The following CYRIB variants were observed in gnomAD, a reference collection of about 807,000 sequenced individuals.
CYRIB encodes the protein CYFIP-related Rac1 interactor B.
Under a neutral mutation model 44.2 loss-of-function variants are expected in CYRIB, and 8 were observed. The ratio of observed to expected loss-of-function variants is 0.18; its 90% CI spans 0.11 to 0.33. CYRIB has a LOEUF of 0.33. CYRIB is among the 10% of genes least tolerant of loss of function. The probability of loss-of-function intolerance (pLI) is 1.00; values close to 1 mark genes in which losing one functional copy is unlikely to be tolerated. For synonymous variants in CYRIB, 131 were observed against 127.2 expected (o/e 1.03, Z -0.20); for missense variants, 185 against 382.8 (o/e 0.48, Z 4.31).
intron 1 of CYRIB, among the ~76,000 whole-genome samples, chr8:129,997,466 T>C (rs1324274116): frequency 6.6e-6 from 1 of 152,214 alleles, no homozygotes; most frequent in Non-Finnish European, 1.5e-5. Context: ...AAGGACTAGC[T>C]AATAAAATCA....
At chr8:129,866,622 A>T (rs2053775170) in intron 4 of CYRIB, among the ~76,000 whole-genome samples, 1 of 152,254 alleles carries the variant, frequency 6.6e-6, no homozygotes, top group South Asian at 2.1e-4. Flanking sequence ...GACAAAAGTT[A>T]AAATTTTATT....
intron 2 of CYRIB, among the ~76,000 whole-genome samples, chr8:129,881,889 G>A (rs2060930811): frequency 1.3e-5 from 2 of 152,108 alleles, no homozygotes; most frequent in South Asian, 2.1e-4. Context: ...TATATTAAAG[G>A]AAAAGATAAA....
chr8:130,013,057 T>A (rs1448018639), intron 1 of CYRIB, among the ~76,000 whole-genome samples: 3 of 152,210 alleles, frequency 2.0e-5, no homozygotes, highest in African/African-American at 7.2e-5. Flanking sequence ...GAAGCTCCAA[T>A]TCAAGCTAAA....
At chr8:129,869,232 A>T (rs960617912) in intron 4 of CYRIB, among the ~76,000 whole-genome samples, 6 of 151,602 alleles carry the variant, frequency 4.0e-5, no homozygotes, top group Non-Finnish European at 8.8e-5. Flanking sequence ...CTAAAAATAC[A>T]AAAATTAGCT....
chr8:129,957,150 C>T (rs2094898205), intron 2 of CYRIB, among the ~76,000 whole-genome samples: 1 of 152,216 alleles, frequency 6.6e-6, no homozygotes, highest in Non-Finnish European at 1.5e-5. Context: ...GCATGAGCCA[C>T]TGTGCATGGC....
intron 10 of CYRIB, among the ~76,000 whole-genome samples, chr8:129,848,998 G>A (rs530655686): frequency 7.2e-5 from 11 of 152,182 alleles, no homozygotes; most frequent in African/African-American, 1.2e-4. Flanking sequence ...TGCCAAATAC[G>A]TAGTAGAAGC....
In CYRIB at chr8:129,985,771, T is replaced by C. The variant is rs575222934; in HGVS notation, c.-295-14776A>G. Among the ~76,000 whole-genome samples, 3 of 152,242 alleles carry C rather than the reference T, an allele frequency of 2.0e-5. No individual in the cohort carries two copies. In the South Asian group the frequency reaches 6.2e-4, roughly 32 times the overall value. On this transcript the variant is annotated intron_variant, in intron 1 of 14. Transcript: ENST00000401979. ...CCAGAGCAGTCGCCCTCCACTTTTC[T>C]CAGTCCACCTCCACAACAAATCAAT...
At chr8:129,869,974 G>A (rs1221627810) in intron 4 of CYRIB, among the ~76,000 whole-genome samples, 1 of 151,932 alleles carries the variant, frequency 6.6e-6, no homozygotes, top group East Asian at 1.9e-4. Context: ...AGATTATGGG[G>A]GGGTGGGGGG....
chr8:129,952,714 A>C (rs922346425), intron 2 of CYRIB, among the ~76,000 whole-genome samples: 11 of 152,192 alleles, frequency 7.2e-5, no homozygotes, highest in Admixed American at 4.6e-4. Context: ...GAAAGATAGG[A>C]GGGGCCAAAG....
At chr8:129,892,476 ATT>A (rs879669611) in intron 2 of CYRIB, among the ~76,000 whole-genome samples, 1 of 147,872 alleles carries the variant, frequency 6.8e-6, no homozygotes. Flanking sequence ...AATTGTCAGA[ATT>A]TTTTTTTTTT....
At chr8:129,875,353 A>C (rs1209359207) in intron 3 of CYRIB, among the ~76,000 whole-genome samples, 1 of 151,960 alleles carries the variant, frequency 6.6e-6, no homozygotes, top group Non-Finnish European at 1.5e-5. Flanking sequence ...GCAAGGGCAC[A>C]CATCACTATT....
At chr8:129,958,455 T>G (rs747702867) in intron 2 of CYRIB, among the ~76,000 whole-genome samples, 15 of 152,156 alleles carry the variant, frequency 9.9e-5, no homozygotes, top group Non-Finnish European at 1.8e-4. Context: ...TCACACTGGC[T>G]TTACATAAAC....
intron 1 of CYRIB, among the ~76,000 whole-genome samples, chr8:129,999,604 A>G (rs1020167171): frequency 6.6e-6 from 1 of 152,202 alleles, no homozygotes; most frequent in Non-Finnish European, 1.5e-5. Context: ...GTTGGATGGA[A>G]TCTCCCACAA....
intron 2 of CYRIB, among the ~76,000 whole-genome samples, chr8:129,891,659 A>G (rs145381561): frequency 1.1e-3 from 173 of 152,368 alleles, no homozygotes; most frequent in African/African-American, 3.3e-3. Context: ...GAAATGTGAT[A>G]TAACAATGGA....
At chr8:129,920,212 G>A (rs144163684) in intron 1 of CYRIB, among the ~76,000 whole-genome samples, 4 of 151,946 alleles carry the variant, frequency 2.6e-5, no homozygotes, top group Non-Finnish European at 5.9e-5. Flanking sequence ...GTCCTATGAA[G>A]TGGTTCTTTC....
intron 2 of CYRIB, among the ~76,000 whole-genome samples, chr8:129,900,619 T>C (rs1460484801): frequency 6.6e-6 from 1 of 152,240 alleles, no homozygotes; most frequent in Non-Finnish European, 1.5e-5. Context: ...GTATCTTTCC[T>C]ATGGCAATGA....
At chr8:129,852,088 T>C (rs1267017065) in intron 8 of CYRIB, 74 bp downstream of exon 10, 1 of 873,366 alleles carries the variant, frequency 1.1e-6, no homozygotes, top group African/African-American at 1.7e-5. Flanking sequence ...TTTAATGTCT[T>C]GGGCTTGCTG....
intron 1 of CYRIB, among the ~76,000 whole-genome samples, chr8:129,984,437 G>T (rs1284479241): frequency 6.6e-6 from 1 of 152,088 alleles, no homozygotes; most frequent in Non-Finnish European, 1.5e-5. Context: ...TGTTACTGTG[G>T]TTGCTACCCT....
chr8:129,883,937 G>A (rs1208266530), intron 2 of CYRIB, among the ~76,000 whole-genome samples: 4 of 152,182 alleles, frequency 2.6e-5, no homozygotes, highest in Non-Finnish European at 4.4e-5. Context: ...AACCTAACTA[G>A]GGGCTCTGTT....
Sources: allele counts gnomAD v4.1 joint callset (sites outside exome capture counted in the v4.1 genomes callset), GRCh38; gene constraint gnomAD v4.1.1; transcripts MANE v1.5; gene names NCBI Gene and HGNC (gene_info 2026-07-23, HGNC 2026-07-21).